The following RARB variants were observed in gnomAD, a reference collection of about 807,000 sequenced individuals.
RARB encodes HBV-activated protein.
Under a neutral mutation model 51.9 loss-of-function variants are expected in RARB, and 17 were observed. The ratio of observed to expected loss-of-function variants is 0.33; its 90% confidence interval spans 0.22 to 0.49. RARB has a LOEUF of 0.49. RARB is among the 20% of genes least tolerant of loss of function. The pLI, the probability that RARB is intolerant of heterozygous loss-of-function variation, is 0.99. For missense variants in RARB, 369 were observed against 550.8 expected (o/e 0.67, Z 3.30); for synonymous variants, 215 against 195.4 (o/e 1.10, Z -0.84).
intron 3 of RARB, among the ~76,000 whole-genome samples, chr3:25,131,239 A>T (rs11129185): frequency 2.0e-5 from 3 of 151,252 alleles, no homozygotes; most frequent in Non-Finnish European, 4.4e-5. Flanking sequence ...CTTAGAGCCA[A>T]GGACAACATG....
chr3:25,111,583 G>GTTTTTTTTTTTTTTTTTTTTT (rs370598264), intron 3 of RARB, among the ~76,000 whole-genome samples: 1 of 120,866 alleles, frequency 8.3e-6, no homozygotes, highest in Non-Finnish European at 1.6e-5. Flanking sequence ...TCTAACAGTG[G>GTTTTTTTTTTTTTTTTTTTTT]TTTTTTTTTT....
chr3:25,411,856 G>A (rs904686649), intron 5 of RARB, among the ~76,000 whole-genome samples: 2 of 152,190 alleles, frequency 1.3e-5, no homozygotes, highest in Non-Finnish European at 2.9e-5. Flanking sequence ...AAGATGCAGG[G>A]ACAACTTTGG....
In RARB at chr3:25,318,735, A is replaced by G. The variant is rs145745349; in HGVS notation, c.179-142458A>G. Among the ~76,000 whole-genome samples the G allele has an allele frequency of 3.6e-3, 547 of 152,298 alleles. 3 individuals are homozygous for G. The highest frequency in any genetic ancestry group is 0.012 in the African/African-American group (517 of 41,558). ...ATTTTCTCCCAACCACACAGCCACC[A>G]TAACAGTGCTTAGCAGAATTGTAAG... On this transcript the variant is annotated intron_variant, in intron 5 of 11. Transcript: ENST00000383772.
intron 1 of RARB, among the ~76,000 whole-genome samples, chr3:25,436,649 AAG>A (rs1435043647): frequency 6.6e-5 from 10 of 152,226 alleles, no homozygotes; most frequent in Non-Finnish European, 1.0e-4. Context: ...CTTCTCGGGC[AAG>A]AGTTTCCAGA....
intron 2 of RARB, among the ~76,000 whole-genome samples, chr3:25,052,324 C>G (rs544919947): frequency 1.7e-3 from 258 of 152,228 alleles, no homozygotes; most frequent in African/African-American, 6.0e-3. Flanking sequence ...AATTCTATTA[C>G]AGATTCATTG....
intron 5 of RARB, among the ~76,000 whole-genome samples, chr3:25,408,094 G>A (rs892974747): frequency 5.9e-5 from 9 of 152,094 alleles, no homozygotes; most frequent in Admixed American, 3.9e-4. Flanking sequence ...TTGTCTCAAT[G>A]TCTGTTTCTG....
At chr3:25,283,831 G>A (rs573319809) in intron 5 of RARB, among the ~76,000 whole-genome samples, 2 of 152,154 alleles carry the variant, frequency 1.3e-5, no homozygotes, top group Non-Finnish European at 2.9e-5. Context: ...CTACTTTTGG[G>A]CATTTGGATG....
intron 5 of RARB, among the ~76,000 whole-genome samples, chr3:25,310,924 G>A (rs1704274708): frequency 6.6e-6 from 1 of 152,168 alleles, no homozygotes; most frequent in Non-Finnish European, 1.5e-5. Flanking sequence ...TATATTCCGT[G>A]CCAAGCACTG....
chr3:24,983,895 A>G (rs563343493), intron 2 of RARB, among the ~76,000 whole-genome samples: 3 of 152,298 alleles, frequency 2.0e-5, no homozygotes, highest in African/African-American at 7.2e-5. Context: ...GATAAATACA[A>G]TTACAAAAAA....
At chr3:25,385,284 C>T (rs9817799) in intron 5 of RARB, among the ~76,000 whole-genome samples, 2,217 of 152,212 alleles carry the variant, frequency 0.015, 41 homozygotes, top group African/African-American at 0.049. Context: ...CCCTTTGTGT[C>T]CCTGGTATGT....
At chr3:25,273,377 C>A (rs1404992259) in intron 5 of RARB, among the ~76,000 whole-genome samples, 1 of 152,164 alleles carries the variant, frequency 6.6e-6, no homozygotes, top group Admixed American at 6.5e-5. Context: ...AAAATCATCA[C>A]CTAATGGAAA....
chr3:25,396,104 C>G (rs1707105742), intron 5 of RARB, among the ~76,000 whole-genome samples: 2 of 152,320 alleles, frequency 1.3e-5, no homozygotes, highest in African/African-American at 4.8e-5. Flanking sequence ...TTCCTAAGAA[C>G]CAGACTGTAG....
At chr3:24,956,429 T>A (rs951893431) in intron 2 of RARB, among the ~76,000 whole-genome samples, 2 of 152,224 alleles carry the variant, frequency 1.3e-5, no homozygotes, top group African/African-American at 4.8e-5. Flanking sequence ...ACCACCCTCA[T>A]ATGAACAATA....
chr3:25,518,511 C>G (rs1409919805), intron 3 of RARB, among the ~76,000 whole-genome samples: 1 of 152,020 alleles, frequency 6.6e-6, no homozygotes, highest in Admixed American at 6.6e-5. Context: ...GTTATTCAAT[C>G]TCATCTGTTT....
Position 25,378,840 on chromosome 3 carries a change from A to G in RARB, c.179-82353A>G, listed in dbSNP as rs780453581. On this transcript the variant is annotated intron_variant, in intron 5 of 11. Transcript: ENST00000383772. ...GTTTCTTATGAGGTAGTATTTCAGT[A>G]TTTCATAAAGAAGCTATCAGGGAAG... 1.1e-4 allele frequency among the ~76,000 whole-genome samples: 17 copies of G among 152,212 alleles called. 1 individual carries two copies. Among genetic ancestry groups the G allele is most frequent in the Non-Finnish European group, 2.2e-4 (15 of 68,042 alleles).
intron 5 of RARB, among the ~76,000 whole-genome samples, chr3:25,589,895 A>C (rs1366693129): frequency 6.6e-6 from 1 of 152,224 alleles, no homozygotes; most frequent in African/African-American, 2.4e-5. Context: ...AGAGTGTTTT[A>C]ATCCTGGAGA....
intron 5 of RARB, among the ~76,000 whole-genome samples, chr3:25,240,435 T>G (rs971265182): frequency 2.0e-5 from 3 of 152,180 alleles, no homozygotes; most frequent in African/African-American, 2.4e-5. Context: ...TTCAACTCTT[T>G]TCCATTTAGT....
intron 5 of RARB, among the ~76,000 whole-genome samples, chr3:25,236,856 C>CG (rs1702313383): frequency 6.6e-6 from 1 of 151,144 alleles, no homozygotes; most frequent in Non-Finnish European, 1.5e-5. Context: ...TGGAAGATCT[C>CG]GCATCATTTT....
intron 3 of RARB, among the ~76,000 whole-genome samples, chr3:25,551,545 TAA>T (rs1699852609): frequency 6.6e-6 from 1 of 152,162 alleles, no homozygotes; most frequent in Admixed American, 6.5e-5. Flanking sequence ...GTGGAGCAGC[TAA>T]AGAGTCCATT....
Sources: gnomAD v4.1 joint callset for allele counts (sites outside exome capture counted in the v4.1 genomes callset) on GRCh38, gnomAD v4.1.1 for gene constraint, MANE v1.5 for transcripts, NCBI Gene and HGNC (gene_info 2026-07-23, HGNC 2026-07-21) for gene names.